The following ZFYVE28 variants were observed in gnomAD, a reference collection of about 807,000 sequenced individuals.
ZFYVE28 encodes the protein lateral signaling target protein 2 homolog.
ZFYVE28 carries 40 observed loss-of-function variants against 82.1 expected under a neutral mutation model. That is an observed-to-expected ratio of 0.49 (90% CI 0.38 to 0.63). The LOEUF is 0.63. Ranked by LOEUF, ZFYVE28 falls within the 30% of genes least tolerant of loss-of-function variation. ZFYVE28 has a pLI of 0.00. For synonymous variants in ZFYVE28, 612 were observed against 546.1 expected (o/e 1.12, Z -1.68); for missense variants, 1,321 against 1,242.1 (o/e 1.06, Z -0.96).
At position 2,335,512 on chromosome 4, in the gene ZFYVE28, G is replaced by A. The variant is rs1393124733; in HGVS notation, c.701+193C>T. Among the ~76,000 whole-genome samples, 1 of 152,186 alleles carries A rather than the reference G, an allele frequency of 6.6e-6. No individual in the cohort carries two copies. The highest frequency in any genetic ancestry group is 2.4e-5 in the African/African-American group (1 of 41,442). ...GCCTCCCTCACCAGCAAGGTGAACA[G>A]GGGGCACTCAGGACACGTGGTCCCC... On this transcript the variant is annotated intron_variant, in intron 6 of 12. Coordinates refer to ENST00000290974, the MANE Select transcript of ZFYVE28 (RefSeq NM_020972.3). The surrounding 1 kb of genome is among the most constrained non-coding windows in gnomAD (Gnocchi z 5.8).
chr4:2,298,972 C>T lies in ZFYVE28; in HGVS notation c.2051+5317G>A, dbSNP rs544561945. On this transcript the variant is annotated intron_variant, in intron 8 of 12. Coordinates refer to ENST00000290974, the MANE Select transcript of ZFYVE28 (RefSeq NM_020972.3). ...CCGGCCCCACCACAGAGGAGCAGCG[C>T]GCCTCGCACCACACGCGATCAACCA... 5.9e-5 allele frequency among the ~76,000 whole-genome samples: 9 copies of T among 152,324 alleles called. No individual in the cohort carries two copies. The East Asian group carries it at 7.7e-4, about 13-fold the overall frequency.
At position 2,305,394 on chromosome 4, in the gene ZFYVE28, G is replaced by C. The variant is rs61742112; in HGVS notation, c.946C>G (p.Pro316Ala). 3,675 of 1,612,742 alleles carry C rather than the reference G, an allele frequency of 2.3e-3. 53 individuals carry two copies. In the African/African-American group the frequency reaches 0.031, roughly 14 times the overall value. The change falls in exon 8 of 13, where the codon CCT becomes GCT. Residue 316 changes from proline to alanine, a missense_variant. Pro to Ala is a conservative substitution (Grantham distance 27). Coordinates refer to ENST00000290974, the MANE Select transcript of ZFYVE28 (RefSeq NM_020972.3). ...GCCTTAGCTGAGAGTGGCCCCTCAG[G>C]GGGGAGAGGGGCAGAGAGGGCAGGC... ...LAPALSAPLP[P>A]EGPLSAKAKD...
chr4:2,302,133 C>T (rs920648304), intron 8 of ZFYVE28, among the ~76,000 whole-genome samples: 4 of 152,202 alleles, frequency 2.6e-5, no homozygotes, highest in Admixed American at 6.5e-5. Context: ...TCACCAAATA[C>T]GGGGATGGGG....
chr4:2,397,041 G>A (rs150135251), intron 1 of ZFYVE28, among the ~76,000 whole-genome samples: 1 of 152,322 alleles, frequency 6.6e-6, no homozygotes, highest in Non-Finnish European at 1.5e-5. Flanking sequence ...GCCACGGCCG[G>A]GGATCAGGGA....
At chr4:2,304,128 G>A (rs574313924) in intron 8 of ZFYVE28, among the ~76,000 whole-genome samples, 161 bp downstream of exon 8, 8 of 152,324 alleles carry the variant, frequency 5.3e-5, no homozygotes, top group Admixed American at 2.6e-4. Context: ...TCCTGCCCCT[G>A]CCCCTCCTCA....
At chr4:2,392,044 C>T (rs1183353211) in intron 1 of ZFYVE28, among the ~76,000 whole-genome samples, 2 of 151,662 alleles carry the variant, frequency 1.3e-5, no homozygotes, top group South Asian at 2.1e-4. Context: ...ATCCTGACTA[C>T]TAGGGAGGCT....
At position 2,372,268 on chromosome 4, in the gene ZFYVE28, G is replaced by A. The variant is rs2108905631; in HGVS notation, c.40-18195C>T. 1.3e-5 allele frequency among the ~76,000 whole-genome samples: 2 copies of A among 152,200 alleles called. No homozygotes were observed. Among genetic ancestry groups the A allele is most frequent in the South Asian group, 4.2e-4 (2 of 4,816 alleles). The stretch of plus-strand genomic sequence containing the variant: ...CGGGGCTGAGTCTGGTTCCGAGAAG[G>A]ACTCGTGAGGGGGTAGGAATGGTCC... On this transcript the variant is annotated intron_variant, in intron 1 of 12. Transcript: ENST00000290974. The surrounding 1 kb of genome is among the most constrained non-coding windows in gnomAD (Gnocchi z 5.2).
rs1278144029 is a variant in ZFYVE28 at position 2,352,973 on chromosome 4, G to A, written c.180+960C>T. On this transcript the variant is annotated intron_variant, in intron 2 of 12. Coordinates refer to ENST00000290974, the MANE Select transcript of ZFYVE28 (RefSeq NM_020972.3). ...CAGGGCCCCCAGCACCTGTCCCCTG[G>A]GCAGAAGGTCTTTCTAACCTGAGCT... Among the ~76,000 whole-genome samples the A allele has an allele frequency of 2.0e-5, 3 of 152,284 alleles. No individual in the cohort carries two copies. The East Asian group carries it at 5.8e-4, about 29-fold the overall frequency.
chr4:2,363,672 C>T (rs1207429355), intron 1 of ZFYVE28, among the ~76,000 whole-genome samples: 1 of 152,170 alleles, frequency 6.6e-6, no homozygotes, highest in African/African-American at 2.4e-5. Context: ...TGTAGGTCAC[C>T]AGCGCATGGA....
In ZFYVE28 at chr4:2,394,488, T is replaced by C. The variant is rs377039667; in HGVS notation, c.39+23797A>G. ...CACCATGGACTTGAGTTACAGTTCC[T>C]GGACCCCTAGGCTGGCTGCGTTTCT... On this transcript the variant is annotated intron_variant, in intron 1 of 12. Transcript: ENST00000290974. This position sits in a 1 kb window ranked among gnomAD's most constrained non-coding sequence, Gnocchi z 4.0. 9.4e-4 allele frequency among the ~76,000 whole-genome samples: 143 copies of C among 152,364 alleles called. 2 individuals are homozygous for C. Among genetic ancestry groups the C allele is most frequent in the Middle Eastern group, 3.4e-3 (1 of 294 alleles).
chr4:2,289,738 C>T lies in ZFYVE28; in HGVS notation c.2051+14551G>A, dbSNP rs192623225. 4.1e-3 allele frequency among the ~76,000 whole-genome samples: 617 copies of T among 152,282 alleles called. 7 individuals carry two copies. Among genetic ancestry groups the T allele is most frequent in the African/African-American group, 0.014 (577 of 41,544 alleles). On this transcript the variant is annotated intron_variant, in intron 8 of 12. Transcript: ENST00000290974. The stretch of plus-strand genomic sequence containing the variant: ...TGGGAGGTTAAGTTCCCTGCCCAGA[C>T]GGCAGAGGTGACACAGCTTACCACA...
chr4:2,296,988 T>C (rs1714671872), intron 8 of ZFYVE28, among the ~76,000 whole-genome samples: 1 of 152,168 alleles, frequency 6.6e-6, no homozygotes, highest in Admixed American at 6.5e-5. Flanking sequence ...AAGCGTGGGC[T>C]TCCGGGCCAC....
chr4:2,334,900 T>C (rs1721418259), intron 6 of ZFYVE28, among the ~76,000 whole-genome samples: 1 of 130,244 alleles, frequency 7.7e-6, no homozygotes, highest in African/African-American at 2.7e-5. Context: ...CTCTCTGTGG[T>C]CCACTCACTC....
At chr4:2,311,194 A>G (rs1433255053) in intron 7 of ZFYVE28, among the ~76,000 whole-genome samples, 5 of 152,136 alleles carry the variant, frequency 3.3e-5, no homozygotes, top group Admixed American at 3.3e-4. Flanking sequence ...GAACTAGTCC[A>G]GCTTGGAATT....
chr4:2,393,338 A>G (rs1053386871), intron 1 of ZFYVE28, among the ~76,000 whole-genome samples: 21 of 152,226 alleles, frequency 1.4e-4, no homozygotes, highest in African/African-American at 5.1e-4. Context: ...ACTAATTTAA[A>G]ACTCCTGGGC....
At chr4:2,363,552 G>C (rs1450204736) in intron 1 of ZFYVE28, among the ~76,000 whole-genome samples, 1 of 152,192 alleles carries the variant, frequency 6.6e-6, no homozygotes, top group Non-Finnish European at 1.5e-5. Flanking sequence ...AGCATGTGCA[G>C]TCAGCAATCC....
At position 2,341,373 on chromosome 4, in the gene ZFYVE28, A is replaced by C. The variant is rs777708359; in HGVS notation, c.318+105T>G. Reference sequence around the variant, plus strand: ...AGAGTGGACGGAGCTCTTGGAGGAGACACCAGGTCCCGGCACCTGCAGGCG... The same window carrying C: ...AGAGTGGACGGAGCTCTTGGAGGAGCCACCAGGTCCCGGCACCTGCAGGCG... On this transcript the variant is annotated intron_variant, in intron 3 of 12. Transcript: ENST00000290974. The surrounding 1 kb of genome is among the most constrained non-coding windows in gnomAD (Gnocchi z 4.5). The C allele has an allele frequency of 6.1e-6, 9 of 1,467,398 alleles. No homozygotes were observed. Among genetic ancestry groups the C allele is most frequent in the Non-Finnish European group, 8.3e-6 (9 of 1,079,348 alleles). 90.9% of individuals were successfully genotyped at this position (1,467,398 alleles called of 1,614,324 possible).
intron 6 of ZFYVE28, among the ~76,000 whole-genome samples, chr4:2,322,942 A>G (rs916162698): frequency 3.3e-5 from 5 of 152,118 alleles, no homozygotes; most frequent in Admixed American, 2.0e-4. Context: ...TTCTTCATTC[A>G]CCCACGGGTG....
At chr4:2,373,712 C>T (rs1321803005) in intron 1 of ZFYVE28, among the ~76,000 whole-genome samples, 3 of 152,130 alleles carry the variant, frequency 2.0e-5, no homozygotes, top group South Asian at 2.1e-4. Flanking sequence ...GCAGAATCTC[C>T]GTTCCCCACG....
Sources: gnomAD v4.1 joint callset for allele counts (sites outside exome capture counted in the v4.1 genomes callset) on GRCh38, gnomAD v4.1.1 for gene constraint, Gnocchi (gnomAD v3.1) non-coding constraint, MANE v1.5 for transcripts, NCBI Gene and HGNC (gene_info 2026-07-23, HGNC 2026-07-21) for gene names.